The following RBL1 variants were observed in gnomAD, a reference collection of about 807,000 sequenced individuals.
RBL1 encodes RB transcriptional corepressor like 1, also known as retinoblastoma-like protein 1.
A neutral mutation model predicts 123.0 loss-of-function variants in RBL1; 82 were observed. That is an observed-to-expected ratio of 0.67 (90% CI 0.56 to 0.80). The LOEUF (loss-of-function observed/expected upper bound fraction) is 0.80. Ranked by LOEUF, RBL1 falls within the 30% of genes least tolerant of loss-of-function variation. The probability of loss-of-function intolerance (pLI) is 0.00; values close to 1 mark genes in which losing one functional copy is unlikely to be tolerated. For missense variants in RBL1, 1,171 were observed against 1,299.6 expected (o/e 0.90, Z 1.52); for synonymous variants, 405 against 441.3 (o/e 0.92, Z 1.03).
chr20:37,008,338 C>T (rs565866918), intron 19 of RBL1, among the ~76,000 whole-genome samples: 10 of 152,320 alleles, frequency 6.6e-5, no homozygotes, highest in Admixed American at 5.9e-4. Context: ...ACATTTATTT[C>T]TCTGCAAATA....
chr20:37,028,585 A>G (rs2146240475), intron 16 of RBL1, among the ~76,000 whole-genome samples: 1 of 152,302 alleles, frequency 6.6e-6, no homozygotes, highest in African/African-American at 2.4e-5. Context: ...AGCAATCTTT[A>G]GAATGATTCT....
chr20:37,004,473 G>A (rs551987968), intron 20 of RBL1, among the ~76,000 whole-genome samples: 2 of 151,202 alleles, frequency 1.3e-5, no homozygotes, highest in East Asian at 2.0e-4. Flanking sequence ...AGCACTTTGG[G>A]AGGCTGAGAT....
chr20:37,044,267 G>A lies in RBL1; in HGVS notation c.1606-17C>T, dbSNP rs1381435844. 1 of 1,613,048 alleles carries A rather than the reference G, an allele frequency of 6.2e-7. No homozygotes were observed. The highest frequency in any genetic ancestry group is 1.7e-5 in the Admixed American group (1 of 59,792). ...CTCAATAACCTGCAGAGGAGAAAGT[G>A]AGAAGGCAATGTGGTTTCAAGCAGT... On this transcript the variant is annotated splice_polypyrimidine_tract_variant and intron_variant, in intron 12 of 21. Coordinates refer to ENST00000373664, the MANE Select transcript of RBL1 (RefSeq NM_002895.5).
In RBL1 at chr20:37,012,667, G is replaced by A. The variant is rs1600458290; in HGVS notation, c.2723-5108C>T. Reference sequence around the variant, plus strand: ...GGGAAGTGAGGAGCGTCTCCGCCCGGCAGCCACCCCGTCCGGGAGGGAGGT... The same window carrying A: ...GGGAAGTGAGGAGCGTCTCCGCCCGACAGCCACCCCGTCCGGGAGGGAGGT... On this transcript the variant is annotated intron_variant, in intron 19 of 21. Coordinates refer to ENST00000373664, the MANE Select transcript of RBL1 (RefSeq NM_002895.5). Among the ~76,000 whole-genome samples, 3 of 151,370 alleles carry A rather than the reference G, an allele frequency of 2.0e-5. No individual in the cohort carries two copies. In the Middle Eastern group the frequency reaches 0.01, roughly 515 times the overall value.
At chr20:37,095,353 C>G (rs540493000) in intron 1 of RBL1, among the ~76,000 whole-genome samples, 11 of 152,292 alleles carry the variant, frequency 7.2e-5, no homozygotes, top group African/African-American at 2.6e-4. Context: ...CTTCCTCTTG[C>G]GTGAAATGGG....
At chr20:37,009,150 G>A (rs961320284) in intron 19 of RBL1, among the ~76,000 whole-genome samples, 10 of 151,958 alleles carry the variant, frequency 6.6e-5, no homozygotes, top group Admixed American at 3.3e-4. Context: ...TCAGCCTCCT[G>A]GGTAGCTGGG....
chr20:37,007,431 A>T lies in RBL1; in HGVS notation c.2851T>A (p.Leu951Met), dbSNP rs1222563734. The T allele has an allele frequency of 6.2e-7, 1 of 1,613,880 alleles. No homozygotes were observed. The highest frequency in any genetic ancestry group is 8.5e-7 in the Non-Finnish European group (1 of 1,179,908). The change falls in exon 20 of 22, where the codon TTG becomes ATG. Residue 951 changes from leucine to methionine, a missense_variant. Transcript: ENST00000373664. Reference protein sequence around the residue: ...RVKSFALKYDLANQDHMMDAP... With the variant: ...RVKSFALKYDMANQDHMMDAP... Reference sequence around the variant, plus strand: ...CATACCATATGGTCCTGATTCGCCAAGTCGTATTTCAGTGCAAATGACTTC... The same window carrying T: ...CATACCATATGGTCCTGATTCGCCATGTCGTATTTCAGTGCAAATGACTTC...
chr20:37,022,004 G>C (rs1444236978), intron 17 of RBL1: 1 of 152,114 alleles, frequency 6.6e-6, no homozygotes, highest in East Asian at 1.9e-4. Flanking sequence ...AACCACCATA[G>C]TGCTGCAGTA....
chr20:37,093,335 T>C (rs1194029295), intron 1 of RBL1, among the ~76,000 whole-genome samples: 1 of 151,980 alleles, frequency 6.6e-6, no homozygotes, highest in East Asian at 1.9e-4. Context: ...AGTTCATACA[T>C]TTGTGCTTTC....
chr20:37,039,020 C>T (rs1185101494), intron 14 of RBL1, among the ~76,000 whole-genome samples: 1 of 152,148 alleles, frequency 6.6e-6, no homozygotes, highest in Non-Finnish European at 1.5e-5. Context: ...AACCTGAATA[C>T]TTGTTCATCT....
chr20:37,061,601 A>G lies in RBL1; in HGVS notation c.1084-332T>C, dbSNP rs373849419. 7.2e-5 allele frequency among the ~76,000 whole-genome samples: 11 copies of G among 152,322 alleles called. No homozygotes were observed. The South Asian group carries it at 2.3e-3, about 32-fold the overall frequency. ...CTTGGACTAAAACTTAGGTTTTACTATGTTCTAGACAAGTGAATTTTCCAT... is the reference window on the plus strand; with the variant it reads ...CTTGGACTAAAACTTAGGTTTTACTGTGTTCTAGACAAGTGAATTTTCCAT... On this transcript the variant is annotated intron_variant, in intron 8 of 21. Coordinates refer to ENST00000373664, the MANE Select transcript of RBL1 (RefSeq NM_002895.5).
intron 1 of RBL1, among the ~76,000 whole-genome samples, chr20:37,093,865 C>T: frequency 6.6e-6 from 1 of 151,704 alleles, no homozygotes; most frequent in Non-Finnish European, 1.5e-5. Flanking sequence ...GGTCTTGGAC[C>T]CCTGACCTAA....
intron 19 of RBL1, among the ~76,000 whole-genome samples, chr20:37,012,555 G>A (rs1358687644): frequency 1.7e-4 from 21 of 124,038 alleles, no homozygotes; most frequent in African/African-American, 5.6e-4. Flanking sequence ...ACCCGGCCGC[G>A]ACCCCGTCTG....
intron 2 of RBL1, among the ~76,000 whole-genome samples, chr20:37,076,618 A>C (rs981047441): frequency 6.6e-5 from 10 of 152,212 alleles, no homozygotes; most frequent in African/African-American, 2.4e-4. Context: ...TATTTCTCGA[A>C]TTTTCCATTT....
At chr20:37,001,596 C>T (rs148376133) in intron 21 of RBL1, among the ~76,000 whole-genome samples, 1 of 151,138 alleles carries the variant, frequency 6.6e-6, no homozygotes. Context: ...ACTCCCTAAT[C>T]TCAAGTACCC....
intron 19 of RBL1, among the ~76,000 whole-genome samples, chr20:37,012,012 G>T (rs1014353233): frequency 1.3e-5 from 2 of 152,218 alleles, no homozygotes; most frequent in African/African-American, 2.4e-5. Context: ...GCAGGCGCGC[G>T]CTGTCACGCC....
intron 20 of RBL1, among the ~76,000 whole-genome samples, chr20:37,004,706 C>A (rs2064041455): frequency 8.4e-6 from 1 of 119,378 alleles, no homozygotes; most frequent in Non-Finnish European, 1.7e-5. Context: ...CAGACCAAGA[C>A]TCTGCCTCAA....
intron 15 of RBL1, among the ~76,000 whole-genome samples, chr20:37,034,362 T>C (rs998467499): frequency 2.0e-5 from 3 of 152,162 alleles, no homozygotes; most frequent in South Asian, 2.1e-4. Flanking sequence ...TTTAAATTTA[T>C]TGGAAAAAAA....
intron 2 of RBL1, among the ~76,000 whole-genome samples, chr20:37,072,416 T>TGGAAGTTGCGGGGAGGC (rs1458186946): frequency 2.7e-5 from 4 of 150,772 alleles, no homozygotes; most frequent in South Asian, 4.2e-4. Flanking sequence ...TGCGGGGAGG[T>TGGAAGTTGCGGGGAGGC]GGAAGTTGCG....
Sources: allele counts gnomAD v4.1 joint callset (sites outside exome capture counted in the v4.1 genomes callset), GRCh38; gene constraint gnomAD v4.1.1; transcripts MANE v1.5; gene names NCBI Gene and HGNC (gene_info 2026-07-23, HGNC 2026-07-21).